The following SPATA6L variants were observed in gnomAD, a reference collection of about 807,000 sequenced individuals.
The protein encoded by SPATA6L is spermatogenesis associated 6 like.
A neutral mutation model predicts 49.2 loss-of-function variants in SPATA6L; 68 were observed. The ratio of observed to expected loss-of-function variants is 1.38; its 90% CI spans 1.14 to 1.69. The LOEUF (loss-of-function observed/expected upper bound fraction) is 1.69, where lower values mean the gene tolerates loss of function less well. SPATA6L is among the 40% of genes most tolerant of loss of function. The probability of loss-of-function intolerance (pLI) is 0.00; values close to 1 mark genes in which losing one functional copy is unlikely to be tolerated. For missense variants in SPATA6L, 668 were observed against 464.3 expected (o/e 1.44, Z -4.03); for synonymous variants, 198 against 165.7 (o/e 1.19, Z -1.50).
At position 4,618,024 on chromosome 9, in the gene SPATA6L, G is replaced by A. The variant is rs1828413909; in HGVS notation, c.894C>T (p.Ser298=). 3 of 1,614,068 alleles carry A rather than the reference G, an allele frequency of 1.9e-6. No homozygotes were observed. Among genetic ancestry groups the A allele is most frequent in the Middle Eastern group, 1.6e-4 (1 of 6,062 alleles). ...GGAAATCAGCATCCCCTTGTTTACTGGATGAAGACTTTCCAAACTGACTTG... is the reference window on the plus strand; with the variant it reads ...GGAAATCAGCATCCCCTTGTTTACTAGATGAAGACTTTCCAAACTGACTTG... ...LDSSQFGKSS[S]SKQGDADFHG... is the part of the protein sequence containing the mutation. The change falls in exon 9 of 12, where the codon TCC becomes TCT. Residue 298 remains serine, a synonymous_variant. Coordinates refer to ENST00000682582, the MANE Select transcript of SPATA6L (RefSeq NM_001353486.2).
chr9:4,657,966 T>C (rs1175677408), intron 2 of SPATA6L, among the ~76,000 whole-genome samples: 1 of 152,188 alleles, frequency 6.6e-6, no homozygotes, highest in East Asian at 1.9e-4. Context: ...CCAATTTTTT[T>C]AACAGTACAC....
chr9:4,613,037 G>A (rs868178159), intron 9 of SPATA6L, among the ~76,000 whole-genome samples: 1 of 152,016 alleles, frequency 6.6e-6, no homozygotes, highest in Non-Finnish European at 1.5e-5. Context: ...AGACCAGCCT[G>A]GCTAAAGTAG....
chr9:4,635,766 C>A (rs1419579359), intron 3 of SPATA6L, among the ~76,000 whole-genome samples: 2 of 152,184 alleles, frequency 1.3e-5, no homozygotes, highest in Non-Finnish European at 2.9e-5. Flanking sequence ...GCATTGTTCA[C>A]ACAACTTTAC....
At chr9:4,602,477 C>G (rs1823586677) in intron 11 of SPATA6L, among the ~76,000 whole-genome samples, 1 of 152,144 alleles carries the variant, frequency 6.6e-6, no homozygotes, top group African/African-American at 2.4e-5. Flanking sequence ...CTAAGGCAAG[C>G]CAACTTGTTC....
intron 13 of SPATA6L, among the ~76,000 whole-genome samples, chr9:4,591,387 T>C (rs571253962): frequency 1.8e-4 from 28 of 152,312 alleles, no homozygotes; most frequent in African/African-American, 4.8e-4. Context: ...AAAAAAATTA[T>C]AAAGGTTTTC....
chr9:4,663,040 C>T (rs377212865), intron 1 of SPATA6L: 1 of 1,613,780 alleles, frequency 6.2e-7, no homozygotes, highest in African/African-American at 1.3e-5. Context: ...GCCCTGATGT[C>T]GAGGTTCATC....
At chr9:4,663,757 T>A (rs1234066180) in intron 1 of SPATA6L, 1 of 167,218 alleles carries the variant, frequency 6.0e-6, no homozygotes, top group African/African-American at 2.4e-5. Context: ...AGACATAGGT[T>A]TTTCTAGTTT....
chr9:4,592,926 T>A (rs925822220), intron 13 of SPATA6L, among the ~76,000 whole-genome samples: 20 of 152,204 alleles, frequency 1.3e-4, no homozygotes, highest in African/African-American at 4.6e-4. Context: ...CATACCTGAA[T>A]AAAGTGGTTT....
At chr9:4,614,395 G>T (rs1827488000) in intron 9 of SPATA6L, among the ~76,000 whole-genome samples, 1 of 152,140 alleles carries the variant, frequency 6.6e-6, no homozygotes, top group African/African-American at 2.4e-5. Context: ...AAGCAACAGG[G>T]ATTCTCATGC....
intron 9 of SPATA6L, among the ~76,000 whole-genome samples, chr9:4,606,123 C>T (rs937171467): frequency 5.9e-5 from 9 of 151,958 alleles, no homozygotes; most frequent in Non-Finnish European, 1.2e-4. Flanking sequence ...AAATGGCGCA[C>T]CACCCACCTG....
chr9:4,651,653 G>C (rs1024071085), intron 3 of SPATA6L, among the ~76,000 whole-genome samples: 3 of 151,554 alleles, frequency 2.0e-5, no homozygotes, highest in African/African-American at 7.3e-5. Flanking sequence ...CATAAGGTTG[G>C]TTTAATATCT....
chr9:4,607,289 G>C (rs939721450), intron 9 of SPATA6L, among the ~76,000 whole-genome samples: 12 of 152,196 alleles, frequency 7.9e-5, no homozygotes, highest in African/African-American at 2.2e-4. Flanking sequence ...AGGAAATACA[G>C]AGAATGCCAC....
In SPATA6L at chr9:4,662,302, A is replaced by T; in HGVS notation, c.40-266T>A. The T allele has an allele frequency of 1.4e-6, 2 of 1,435,162 alleles. No homozygotes were observed. The highest frequency in any genetic ancestry group is 5.0e-5 in the East Asian group (2 of 39,624). The allele number at this position is 1,435,162 out of a possible 1,614,324, so 88.9% of individuals were successfully genotyped here. ...CGCCCCTCCGGGATGGTAGTGCGGAAGCGGAAGAGGCTGCAGGGCCGGGAA... is the reference window on the plus strand; with the variant it reads ...CGCCCCTCCGGGATGGTAGTGCGGATGCGGAAGAGGCTGCAGGGCCGGGAA... On this transcript the variant is annotated intron_variant, in intron 1 of 11. Transcript: ENST00000682582. This position sits in a 1 kb window ranked among gnomAD's most constrained non-coding sequence, Gnocchi z 4.9.
chr9:4,625,878 A>G (rs1267798056), intron 5 of SPATA6L: 1 of 188,968 alleles, frequency 5.3e-6, no homozygotes, highest in Non-Finnish European at 1.1e-5. Context: ...TGACACATAG[A>G]GGGGTCTAGC....
downstream of SPATA6L, among the ~76,000 whole-genome samples, chr9:4,597,375 G>A (rs1255992530): frequency 6.6e-6 from 1 of 150,668 alleles, no homozygotes; most frequent in Non-Finnish European, 1.5e-5. Context: ...CACACGGTGG[G>A]GCGTGGGGGG....
chr9:4,651,963 G>A (rs1836986401), intron 3 of SPATA6L, among the ~76,000 whole-genome samples: 1 of 149,490 alleles, frequency 6.7e-6, no homozygotes, highest in South Asian at 2.1e-4. Context: ...AATTAGACAT[G>A]AAAATGAAAT....
intron 9 of SPATA6L, among the ~76,000 whole-genome samples, chr9:4,614,926 C>T (rs1424529375): frequency 6.6e-6 from 1 of 152,194 alleles, no homozygotes; most frequent in East Asian, 1.9e-4. Context: ...GTGCCAACTC[C>T]TGTGACTAAT....
At chr9:4,626,339 C>G in intron 5 of SPATA6L, 3 of 1,245,856 alleles carry the variant, frequency 2.4e-6, no homozygotes, top group Non-Finnish European at 3.1e-6. Flanking sequence ...TCTAGACCCA[C>G]AGGAACCTTC....
At chr9:4,595,910 C>T (rs539571137), downstream of SPATA6L, among the ~76,000 whole-genome samples, 1 of 152,320 alleles carries the variant, frequency 6.6e-6, no homozygotes, top group East Asian at 1.9e-4. Context: ...CAGCTTCAGA[C>T]CAGCTTTATG....
Sources: allele counts gnomAD v4.1 joint callset (sites outside exome capture counted in the v4.1 genomes callset), GRCh38; gene constraint gnomAD v4.1.1; non-coding constraint Gnocchi (gnomAD v3.1); transcripts MANE v1.5; gene names NCBI Gene and HGNC (gene_info 2026-07-23, HGNC 2026-07-21).